The following ST6GALNAC3 variants were observed in gnomAD, a reference collection of about 807,000 sequenced individuals.
ST6GALNAC3 encodes the protein alpha-N-acetylgalactosaminide alpha-2,6-sialyltransferase 3.
In ST6GALNAC3, 25 loss-of-function variants were observed where a neutral mutation model predicts 32.7. The observed-to-expected ratio is 0.76, with a 90% CI of 0.56 to 1.07. The LOEUF is 1.07. ST6GALNAC3 is among the 50% of genes least tolerant of loss of function. The pLI, the probability that ST6GALNAC3 is intolerant of heterozygous loss-of-function variation, is 0.00. For missense variants in ST6GALNAC3, 355 were observed against 382.4 expected (o/e 0.93, Z 0.60); for synonymous variants, 129 against 133.1 (o/e 0.97, Z 0.21).
chr1:76,439,647 G>A (rs542119131), intron 3 of ST6GALNAC3, among the ~76,000 whole-genome samples: 88 of 152,286 alleles, frequency 5.8e-4, no homozygotes, highest in African/African-American at 2.1e-3. Flanking sequence ...TGTAGAAAAT[G>A]TAGCTACAGT....
At chr1:76,615,417 C>T (rs341024) in intron 3 of ST6GALNAC3, among the ~76,000 whole-genome samples, 21,325 of 151,922 alleles carry the variant, frequency 0.14, 2,855 homozygotes, top group African/African-American at 0.36. Flanking sequence ...TCTGTTCATC[C>T]ACGCCTGCTC....
intron 1 of ST6GALNAC3, among the ~76,000 whole-genome samples, chr1:76,223,786 G>T (rs1570489949): frequency 6.6e-6 from 1 of 151,862 alleles, no homozygotes; most frequent in African/African-American, 2.4e-5. Flanking sequence ...ATGCCATGAT[G>T]ATTTTTTTTT....
intron 3 of ST6GALNAC3, among the ~76,000 whole-genome samples, chr1:76,522,850 T>A (rs1039347227): frequency 2.6e-5 from 4 of 152,226 alleles, no homozygotes; most frequent in South Asian, 4.1e-4. Context: ...CTGTCATTGA[T>A]CTGTTGGTTC....
In ST6GALNAC3 at chr1:76,570,740, G is replaced by A. The variant is rs147336114; in HGVS notation, c.624-56712G>A. 9.9e-5 allele frequency among the ~76,000 whole-genome samples: 15 copies of A among 152,122 alleles called. No individual in the cohort carries two copies. In the East Asian group the frequency reaches 1.2e-3, roughly 12 times the overall value. Reference sequence around the variant, plus strand: ...TGTCAAAGTGTTCTCTTCTCTTGCCGTGGGGGACACCACTCTGGTTGTTCT... The same window carrying A: ...TGTCAAAGTGTTCTCTTCTCTTGCCATGGGGGACACCACTCTGGTTGTTCT... On this transcript the variant is annotated intron_variant, in intron 3 of 4. Coordinates refer to ENST00000328299, the MANE Select transcript of ST6GALNAC3 (RefSeq NM_152996.4).
chr1:76,471,425 A>T (rs546397059), intron 3 of ST6GALNAC3, among the ~76,000 whole-genome samples: 1 of 152,092 alleles, frequency 6.6e-6, no homozygotes, highest in African/African-American at 2.4e-5. Flanking sequence ...ACTTTGTATC[A>T]GTGTTCTTGG....
intron 1 of ST6GALNAC3, among the ~76,000 whole-genome samples, chr1:76,248,641 A>G (rs900724613): frequency 6.6e-6 from 1 of 152,114 alleles, no homozygotes; most frequent in Non-Finnish European, 1.5e-5. Flanking sequence ...TGAAGCAGGT[A>G]TTTTCCAATA....
At chr1:76,217,438 T>A (rs1655527064) in intron 1 of ST6GALNAC3, among the ~76,000 whole-genome samples, 1 of 152,234 alleles carries the variant, frequency 6.6e-6, no homozygotes, top group African/African-American at 2.4e-5. Flanking sequence ...AATATTTTAG[T>A]CTCAGCATAA....
intron 3 of ST6GALNAC3, among the ~76,000 whole-genome samples, chr1:76,464,822 C>T (rs920363503): frequency 6.6e-6 from 1 of 152,012 alleles, no homozygotes; most frequent in Non-Finnish European, 1.5e-5. Context: ...GGTGACTTTC[C>T]CAGGGAAGCA....
intron 1 of ST6GALNAC3, among the ~76,000 whole-genome samples, chr1:76,139,008 C>T: frequency 6.6e-6 from 1 of 152,128 alleles, no homozygotes; most frequent in East Asian, 1.9e-4. Flanking sequence ...TCCTGGCTAA[C>T]ACGGTGAAAC....
At chr1:76,205,623 C>T (rs1257244652) in intron 1 of ST6GALNAC3, among the ~76,000 whole-genome samples, 3 of 152,136 alleles carry the variant, frequency 2.0e-5, no homozygotes, top group Non-Finnish European at 4.4e-5. Flanking sequence ...ATGAGACCCT[C>T]GCTGCTGTTT....
chr1:76,236,309 T>G (rs1385960240), intron 1 of ST6GALNAC3, among the ~76,000 whole-genome samples: 2 of 152,138 alleles, frequency 1.3e-5, no homozygotes, highest in African/African-American at 4.8e-5. Flanking sequence ...AAGGTCAGAC[T>G]CTGAGGTATT....
chr1:76,578,996 G>C (rs570134232), intron 3 of ST6GALNAC3, among the ~76,000 whole-genome samples: 1 of 151,962 alleles, frequency 6.6e-6, no homozygotes, highest in Non-Finnish European at 1.5e-5. Context: ...TCATTCTGTC[G>C]TGCTTACGTA....
chr1:76,197,684 T>G (rs1245715733), intron 1 of ST6GALNAC3, among the ~76,000 whole-genome samples: 3 of 152,120 alleles, frequency 2.0e-5, no homozygotes, highest in Non-Finnish European at 2.9e-5. Context: ...GTTCACTGAG[T>G]GTAGGTCAAG....
chr1:76,570,679 T>C (rs1042259102), intron 3 of ST6GALNAC3, among the ~76,000 whole-genome samples: 3 of 152,098 alleles, frequency 2.0e-5, no homozygotes, highest in Non-Finnish European at 4.4e-5. Context: ...TGTGTTTGTT[T>C]TTACTCATTT....
chr1:76,137,509 T>C (rs1331460179), intron 1 of ST6GALNAC3, among the ~76,000 whole-genome samples: 3 of 152,166 alleles, frequency 2.0e-5, no homozygotes, highest in African/African-American at 7.2e-5. Flanking sequence ...ACAAATGCAA[T>C]GAAAGATCAG....
In ST6GALNAC3 at chr1:76,367,296, A is replaced by G. The variant is rs1052844471; in HGVS notation, c.214-44712A>G. The stretch of plus-strand genomic sequence containing the variant: ...CCTCAGATGTCTCAGGCATGGACCT[A>G]TAATGGTGAAGGATTCAGCTTTGCC... On this transcript the variant is annotated intron_variant, in intron 2 of 4. Transcript: ENST00000328299. Among the ~76,000 whole-genome samples, 8 of 152,174 alleles carry G rather than the reference A, an allele frequency of 5.3e-5. No individual in the cohort carries two copies. The South Asian group carries it at 1.2e-3, about 24-fold the overall frequency.
chr1:76,478,885 C>G lies in ST6GALNAC3; in HGVS notation c.623+66468C>G, dbSNP rs112344507. 5.2e-3 allele frequency among the ~76,000 whole-genome samples: 781 copies of G among 150,970 alleles called. 5 individuals carry two copies. Among genetic ancestry groups the G allele is most frequent in the African/African-American group, 0.018 (745 of 41,126 alleles). ...TCATGCCATTCTCCTGCCTCAGCCT[C>G]CTGAGTAGCTGGGACCACAGGTGCC... On this transcript the variant is annotated intron_variant, in intron 3 of 4. Coordinates refer to ENST00000328299, the MANE Select transcript of ST6GALNAC3 (RefSeq NM_152996.4).
chr1:76,239,423 C>T (rs1468303080), intron 1 of ST6GALNAC3, among the ~76,000 whole-genome samples: 5 of 151,940 alleles, frequency 3.3e-5, no homozygotes, highest in South Asian at 2.1e-4. Context: ...TATTTTGGCT[C>T]GTGATTTTGC....
At chr1:76,391,567 CCTTCCT>C in intron 2 of ST6GALNAC3, among the ~76,000 whole-genome samples, 1 of 136,660 alleles carries the variant, frequency 7.3e-6, no homozygotes, top group Non-Finnish European at 1.6e-5. Context: ...TTCCTTCCTT[CCTTCCT>C]CCCACTTCCC....
Sources: gnomAD v4.1 joint callset for allele counts (sites outside exome capture counted in the v4.1 genomes callset) on GRCh38, gnomAD v4.1.1 for gene constraint, MANE v1.5 for transcripts, NCBI Gene and HGNC (gene_info 2026-07-23, HGNC 2026-07-21) for gene names.